APLP1: variants seen among roughly 807,000 people sequenced by gnomAD.
The protein encoded by APLP1 is amyloid beta (A4) precursor-like protein 1.
Under a neutral mutation model 84.5 loss-of-function variants are expected in APLP1, and 46 were observed. The observed-to-expected ratio is 0.54, with a 90% CI of 0.43 to 0.70. The LOEUF (loss-of-function observed/expected upper bound fraction) is 0.70, where lower values mean the gene tolerates loss of function less well. APLP1 is among the 30% of genes least tolerant of loss of function. The pLI, the probability that APLP1 is intolerant of heterozygous loss-of-function variation, is 0.00. For missense variants in APLP1, 826 were observed against 900.2 expected (o/e 0.92, Z 1.05); for synonymous variants, 376 against 364.0 (o/e 1.03, Z -0.38).
At chr19:35,869,356 C>T (rs1474286888) in intron 1 of APLP1, 2 of 570,524 alleles carry the variant, frequency 3.5e-6, no homozygotes, top group African/African-American at 2.0e-5. Flanking sequence ...GTTCTGGCCT[C>T]CTCCTCCGCG....
rs772384579 is a variant in APLP1 at position 35,878,115 on chromosome 19, G to C, written c.1579+7G>C. 3 of 1,612,156 alleles carry C rather than the reference G, an allele frequency of 1.9e-6. No homozygotes were observed. In the African/African-American group the frequency reaches 4.0e-5, roughly 22 times the overall value. On this transcript the variant is annotated splice_region_variant and intron_variant, in intron 13 of 16. Transcript: ENST00000221891. ...CCCATGACCCTTCCAAAAGGTGAGT[G>C]TCTCACAGTTAACCCCAGCCTCCAA...
Position 35,876,522 on chromosome 19 carries a change from T to C in APLP1, c.1350T>C (p.His450=), listed in dbSNP as rs145426865. 1.6e-4 allele frequency: 252 copies of C among 1,613,932 alleles called. No individual in the cohort carries two copies. In the African/African-American group the frequency reaches 3.1e-3, roughly 20 times the overall value. ...TCATGTCCACTCACCCACAGGTGCA[T>C]ACCCACCTTCAAGTGATTGAGGAGA... The part of the protein sequence containing the change: ...EKAQQMRFQV[H]THLQVIEERV... Residue 450 remains histidine (H), a synonymous_variant, in exon 11 of 17, where the codon CAT becomes CAC. Transcript: ENST00000221891.
rs759135583 is a variant in APLP1 at position 35,877,803 on chromosome 19, G to T, written c.1530G>T (p.Leu510=). 1.8e-4 allele frequency: 285 copies of T among 1,610,310 alleles called. 1 individual carries two copies. The highest frequency in any genetic ancestry group is 2.0e-4 in the Non-Finnish European group (234 of 1,178,914). The part of the protein sequence containing the change: ...PGGSSEDKGG[L]QPPDSKDADT... ...GCAGCAGCGAGGACAAGGGTGGGCT[G>T]CAGCCTCCAGATTCCAAGGATGGTG... Residue 510 remains leucine (L), a synonymous_variant, in exon 12 of 17, where the codon CTG becomes CTT. Coordinates refer to ENST00000221891, the MANE Select transcript of APLP1 (RefSeq NM_001024807.3).
At position 35,879,190 on chromosome 19, in the gene APLP1, C is replaced by G. The variant is rs138562956; in HGVS notation, c.1830C>G (p.Tyr610Ter). 1.2e-6 allele frequency: 2 copies of G among 1,612,992 alleles called. No individual in the cohort carries two copies. The highest frequency in any genetic ancestry group is 3.3e-5 in the Admixed American group (2 of 60,006). ...SMLLLRRKKP[Y>*]GAISHGVVEV... ...TGCTCCTGCGCAGGAAGAAGCCCTA[C>G]GGGGCTATCAGCCATGGCGTGGTGG... is the stretch of plus-strand genomic sequence containing the variant. Residue 610 changes from tyrosine (Y) to a stop codon, truncating the protein, a stop_gained, in exon 16 of 17, where the codon TAC becomes TAG. Coordinates refer to ENST00000221891, the MANE Select transcript of APLP1 (RefSeq NM_001024807.3). LOFTEE classifies it high-confidence loss of function.
Position 35,874,552 on chromosome 19 carries a change from C to T in APLP1, c.1105C>T (p.Arg369Ter). ...QTLEEQVSGE[R>*]QRLVETHATR... ...TCTGGAGGAGCAGGTGTCTGGTGAG[C>T]GACAGCGCCTGGTGGAAACCCACGC... Residue 369 changes from arginine to a stop codon, truncating the protein, a stop_gained, in exon 9 of 17, where the codon CGA becomes TGA. Transcript: ENST00000221891. LOFTEE classifies it high-confidence loss of function. This position sits in a 1 kb window ranked among gnomAD's most constrained non-coding sequence, Gnocchi z 6.4. 6.2e-7 allele frequency: 1 copy of T among 1,614,186 alleles called. No homozygotes were observed. Among genetic ancestry groups the T allele is most frequent in the Non-Finnish European group, 8.5e-7 (1 of 1,180,026 alleles).
chr19:35,871,180 G>A (rs996278847), intron 3 of APLP1, 57 bp from the exon 4 acceptor site: 263 of 1,571,472 alleles, frequency 1.7e-4, no homozygotes, highest in Non-Finnish European at 2.2e-4. Flanking sequence ...GGATTCTGAG[G>A]AGGGTGGGGT....
At chr19:35,872,117 T>G in intron 6 of APLP1, 81 bp downstream of exon 6, 1 of 1,511,156 alleles carries the variant, frequency 6.6e-7, no homozygotes, top group South Asian at 1.3e-5. Context: ...GGGGTGTCTT[T>G]GGGAGGGGCC....
Position 35,868,890 on chromosome 19 carries a change from G to A in APLP1, c.147+107G>A. 9.3e-7 allele frequency: 1 copy of A among 1,070,190 alleles called. No homozygotes were observed. The highest frequency in any genetic ancestry group is 3.3e-5 in the South Asian group (1 of 30,604). The allele number at this position is 1,070,190 out of a possible 1,614,324, so 66.3% of individuals were successfully genotyped here. On this transcript the variant is annotated intron_variant, in intron 1 of 16. Coordinates refer to ENST00000221891, the MANE Select transcript of APLP1 (RefSeq NM_001024807.3). This position sits in a 1 kb window ranked among gnomAD's most constrained non-coding sequence, Gnocchi z 5.2. ...GAAAGCGCGGTCTTTCCAGCCAGGT[G>A]GTCAGCCCCCAGGCGCCCCCAATCA...
chr19:35,869,362 C>G, intron 1 of APLP1: 2 of 573,438 alleles, frequency 3.5e-6, no homozygotes, highest in African/African-American at 3.9e-5. Flanking sequence ...GCCTCCTCCT[C>G]CGCGATTCAG....
intron 1 of APLP1, chr19:35,869,333 C>G (rs2146898664): frequency 1.8e-6 from 1 of 547,736 alleles, no homozygotes; most frequent in Admixed American, 3.7e-5. Context: ...GGAGGAGGGG[C>G]CAGAACTCCT....
At chr19:35,869,631 C>T in intron 1 of APLP1, 36 bp from the exon 2 acceptor site, 2 of 1,607,626 alleles carry the variant, frequency 1.2e-6, no homozygotes, top group African/African-American at 2.7e-5. Context: ...TGCCAACGCC[C>T]CCCGAGCCCT....
rs373971997 is a variant in APLP1, at chr19:35,869,776, G to T, written c.257G>T (p.Arg86Leu). The T allele has an allele frequency of 1.4e-5, 22 of 1,604,868 alleles. No individual in the cohort carries two copies. The African/African-American group carries it at 2.7e-4, about 20-fold the overall frequency. The stretch of plus-strand genomic sequence containing the variant: ...CCACAGCGCTCTCGACGCTGTCTCC[G>T]GGACCCGCAGCGCGTGCTGGAGTAC... ...PDPQRSRRCL[R>L]DPQRVLEYCR... The change falls in exon 2 of 17, where the codon CGG becomes CTG. Residue 86 changes from arginine to leucine, a missense_variant. By Grantham distance (102) the Arg-to-Leu change is moderately radical. Transcript: ENST00000221891.
At position 35,869,695 on chromosome 19, in the gene APLP1, T is replaced by A. The variant is rs964107663; in HGVS notation, c.176T>A (p.Leu59Gln). The change falls in exon 2 of 17, where the codon CTA becomes CAA. Residue 59 changes from leucine (L) to glutamine (Q), a missense_variant. By Grantham distance (113) the Leu-to-Gln change is moderately radical. Coordinates refer to ENST00000221891, the MANE Select transcript of APLP1 (RefSeq NM_001024807.3). The stretch of plus-strand genomic sequence containing the variant: ...CCGGGGTCGGCCCAGGTGGCTGGAC[T>A]ATGCGGGCGCCTAACCCTTCACCGG... ...EAPGSAQVAGLCGRLTLHRDL... is the reference protein window; with the variant it reads ...EAPGSAQVAGQCGRLTLHRDL... 6.2e-7 allele frequency: 1 copy of A among 1,611,738 alleles called. No individual in the cohort carries two copies. Among genetic ancestry groups the A allele is most frequent in the Admixed American group, 1.7e-5 (1 of 59,722 alleles).
intron 2 of APLP1, chr19:35,870,143 T>A: frequency 6.2e-6 from 2 of 320,008 alleles, no homozygotes; most frequent in Non-Finnish European, 1.1e-5. Context: ...TGGAGCCCAA[T>A]GAGAGCGCGG....
intron 7 of APLP1, among the ~76,000 whole-genome samples, chr19:35,873,055 T>A (rs375840805): frequency 3.8e-4 from 58 of 151,972 alleles, no homozygotes; most frequent in African/African-American, 1.3e-3. Context: ...AGACAGGGTT[T>A]CACCATGTTG....
In APLP1 at chr19:35,874,591, G is replaced by A. The variant is rs781164817; in HGVS notation, c.1144G>A (p.Ala382Thr). The stretch of plus-strand genomic sequence containing the variant: ...GGAAACCCACGCCACCCGCGTCATC[G>A]CCCTTATCAACGACCAGCGCCGGGC... The part of the protein sequence containing the change: ...LVETHATRVI[A>T]LINDQRRAAL... The change falls in exon 9 of 17, where the codon GCC (alanine) becomes ACC (threonine). Residue 382 changes from alanine to threonine, a missense_variant. Coordinates refer to ENST00000221891, the MANE Select transcript of APLP1 (RefSeq NM_001024807.3). The surrounding 1 kb of genome is among the most constrained non-coding windows in gnomAD (Gnocchi z 6.4). 1.4e-5 allele frequency: 22 copies of A among 1,613,934 alleles called. No individual in the cohort carries two copies. Among genetic ancestry groups the A allele is most frequent in the Middle Eastern group, 3.3e-4 (2 of 6,084 alleles).
rs1404699875 is a variant in APLP1 at position 35,874,568 on chromosome 19, A to C, written c.1121A>C (p.Glu374Ala). The change falls in exon 9 of 17, where the codon GAA (glutamate) becomes GCA (alanine). Residue 374 changes from glutamate to alanine, a missense_variant. Physicochemically the swap from Glu to Ala is moderately radical, Grantham distance 107 (BLOSUM62 -1). Transcript: ENST00000221891. The surrounding 1 kb of genome is among the most constrained non-coding windows in gnomAD (Gnocchi z 6.4). ...TCTGGTGAGCGACAGCGCCTGGTGG[A>C]AACCCACGCCACCCGCGTCATCGCC... is the stretch of plus-strand genomic sequence containing the variant. Reference protein sequence around the residue: ...QVSGERQRLVETHATRVIALI... With the variant: ...QVSGERQRLVATHATRVIALI... 1 of 1,614,136 alleles carries C rather than the reference A, an allele frequency of 6.2e-7. No homozygotes were observed. Among genetic ancestry groups the C allele is most frequent in the Non-Finnish European group, 8.5e-7 (1 of 1,180,020 alleles).
chr19:35,870,133 T>G (rs2146900700), intron 2 of APLP1: 1 of 351,204 alleles, frequency 2.8e-6, no homozygotes, highest in Non-Finnish European at 5.1e-6. Context: ...GGGAAAGGGG[T>G]GGAGCCCAAT....
chr19:35,878,379 C>T (rs1974330128), intron 13 of APLP1: 2 of 647,658 alleles, frequency 3.1e-6, no homozygotes, highest in African/African-American at 3.7e-5. Flanking sequence ...GACCCTGTAC[C>T]TACAAATAAT....
Sources: gnomAD v4.1 joint callset for allele counts (sites outside exome capture counted in the v4.1 genomes callset) on GRCh38, gnomAD v4.1.1 for gene constraint, Gnocchi (gnomAD v3.1) non-coding constraint, MANE v1.5 for transcripts, NCBI Gene and HGNC (gene_info 2026-07-23, HGNC 2026-07-21) for gene names.